The following TBC1D19 variants were observed in gnomAD, a reference collection of about 807,000 sequenced individuals.
TBC1D19 encodes the protein TBC1 domain family, member 19.
A neutral mutation model predicts 89.0 loss-of-function variants in TBC1D19; 60 were observed. That is an observed-to-expected ratio of 0.67 (90% CI 0.55 to 0.84). TBC1D19 has a LOEUF of 0.84. TBC1D19 is among the 40% of genes least tolerant of loss of function. TBC1D19 has a pLI of 0.00. For synonymous variants in TBC1D19, 189 were observed against 199.7 expected (o/e 0.95, Z 0.45); for missense variants, 500 against 610.8 (o/e 0.82, Z 1.91).
chr4:26,833,006 A>C, the TBC1D19 span, among the ~76,000 whole-genome samples: 25 of 152,268 alleles, frequency 1.6e-4, no homozygotes, highest in South Asian at 3.1e-3. Context: ...AAAACCAAAA[A>C]CAAAACAAAA....
At chr4:26,669,889 T>A (rs1156636896) in intron 9 of TBC1D19, among the ~76,000 whole-genome samples, 11 of 151,702 alleles carry the variant, frequency 7.3e-5, no homozygotes, top group Admixed American at 1.3e-4. Flanking sequence ...TAAGAGAAAT[T>A]TTAACTTAAT....
At chr4:26,670,468 G>T (rs567118067) in intron 9 of TBC1D19, among the ~76,000 whole-genome samples, 3 of 151,666 alleles carry the variant, frequency 2.0e-5, no homozygotes, top group South Asian at 2.1e-4. Flanking sequence ...TTGATTAAGA[G>T]AATTCTTCTG....
chr4:26,818,152 A>G, the TBC1D19 span, among the ~76,000 whole-genome samples: 2 of 151,962 alleles, frequency 1.3e-5, no homozygotes, highest in African/African-American at 2.4e-5. Flanking sequence ...ACACAAAAAA[A>G]CAAGTTCAAA....
intron 4 of TBC1D19, among the ~76,000 whole-genome samples, chr4:26,625,239 A>C (rs540744763): frequency 1.3e-5 from 2 of 152,264 alleles, no homozygotes; most frequent in African/African-American, 4.8e-5. Context: ...CATTTCCCAG[A>C]ATGTTTTCTG....
At chr4:26,673,690 C>A in intron 10 of TBC1D19, 86 bp from the exon 11 acceptor site, 1 of 856,586 alleles carries the variant, frequency 1.2e-6, no homozygotes, top group Non-Finnish European at 1.9e-6. Flanking sequence ...TGAATATCAG[C>A]TTCCCAAAAG....
In TBC1D19 at chr4:26,717,031, G is replaced by A. The variant is rs1039018785; in HGVS notation, c.955-902G>A. Among the ~76,000 whole-genome samples, 5 of 152,180 alleles carry A rather than the reference G, an allele frequency of 3.3e-5. No homozygotes were observed. In the East Asian group the frequency reaches 5.8e-4, roughly 18 times the overall value. On this transcript the variant is annotated intron_variant, in intron 13 of 20. Coordinates refer to ENST00000264866, the MANE Select transcript of TBC1D19 (RefSeq NM_018317.4). The stretch of plus-strand genomic sequence containing the variant: ...TAATGAAAACAAAGCAGTGGCAGTG[G>A]TTGATATGCATTCCACCAGTGAACC...
At chr4:26,741,078 C>T (rs144915297) in intron 17 of TBC1D19, among the ~76,000 whole-genome samples, 9 of 152,156 alleles carry the variant, frequency 5.9e-5, no homozygotes, top group East Asian at 3.9e-4. Flanking sequence ...CTTTTCTGGC[C>T]GGGCGTGGTG....
chr4:26,645,759 G>C (rs1407435827), intron 7 of TBC1D19, among the ~76,000 whole-genome samples: 1 of 152,154 alleles, frequency 6.6e-6, no homozygotes, highest in Non-Finnish European at 1.5e-5. Context: ...CTACCCATGT[G>C]ACATAGGGTT....
At chr4:26,580,168 C>T (rs192770064), upstream of TBC1D19, among the ~76,000 whole-genome samples, 9 of 152,200 alleles carry the variant, frequency 5.9e-5, no homozygotes, top group East Asian at 5.8e-4. Context: ...GAATGAAAGA[C>T]GGGAAAGTGG....
chr4:26,814,182 C>T, the TBC1D19 span, among the ~76,000 whole-genome samples: 10 of 152,278 alleles, frequency 6.6e-5, no homozygotes, highest in Middle Eastern at 3.4e-3. Context: ...CCCTGTAGTG[C>T]CCTGTAAAAC....
chr4:26,806,948 C>T, the TBC1D19 span, among the ~76,000 whole-genome samples: 43 of 152,270 alleles, frequency 2.8e-4, no homozygotes, highest in Non-Finnish European at 5.4e-4. Flanking sequence ...GTCCTGCAAC[C>T]GTGAGGGAAT....
chr4:26,734,468 C>T (rs1717846327), intron 15 of TBC1D19, among the ~76,000 whole-genome samples: 1 of 152,150 alleles, frequency 6.6e-6, no homozygotes, highest in South Asian at 2.1e-4. Context: ...TTGAACTAAA[C>T]TGTACAAATT....
intron 19 of TBC1D19, among the ~76,000 whole-genome samples, chr4:26,752,698 A>G (rs1440310732): frequency 2.0e-5 from 3 of 152,168 alleles, no homozygotes; most frequent in Non-Finnish European, 4.4e-5. Context: ...TGCCTTTCAA[A>G]TGGGTCCTTC....
the TBC1D19 span, among the ~76,000 whole-genome samples, chr4:26,781,742 C>T: frequency 6.6e-6 from 1 of 151,448 alleles, no homozygotes; most frequent in Non-Finnish European, 1.5e-5. Context: ...TTAACTTCTA[C>T]TTAGGTTTCC....
At position 26,699,701 on chromosome 4, in the gene TBC1D19, A is replaced by G. The variant is rs537560738; in HGVS notation, c.954+11294A>G. Among the ~76,000 whole-genome samples the G allele has an allele frequency of 3.3e-5, 5 of 152,302 alleles. No homozygotes were observed. In the South Asian group the frequency reaches 1.0e-3, roughly 32 times the overall value. On this transcript the variant is annotated intron_variant, in intron 13 of 20. Coordinates refer to ENST00000264866, the MANE Select transcript of TBC1D19 (RefSeq NM_018317.4). Reference sequence around the variant, plus strand: ...TGCAGCCATAAAAAATGATGAGTTCATGTCCTTTGTAGAGACATGAATGAA... The same window carrying G: ...TGCAGCCATAAAAAATGATGAGTTCGTGTCCTTTGTAGAGACATGAATGAA...
At chr4:26,842,582 C>CCCTTCCTTTCTTTCTT in the TBC1D19 span, among the ~76,000 whole-genome samples, 2 of 95,394 alleles carry the variant, frequency 2.1e-5, 1 homozygote, top group Non-Finnish European at 4.3e-5. Context: ...CTTCCTCCCT[C>CCCTTCCTTTCTTTCTT]CCTTTCTTTC....
chr4:26,612,941 T>G lies in TBC1D19; in HGVS notation c.100-228T>G, dbSNP rs548133039. ...CAAGTTTGTATAGTTTTAGTAGACT[T>G]TAGTATACTATCACAGATCCTTTAA... is the stretch of plus-strand genomic sequence containing the variant. On this transcript the variant is annotated intron_variant, in intron 1 of 20. Coordinates refer to ENST00000264866, the MANE Select transcript of TBC1D19 (RefSeq NM_018317.4). Among the ~76,000 whole-genome samples the G allele has an allele frequency of 1.6e-4, 24 of 152,188 alleles. No individual in the cohort carries two copies. In the South Asian group the frequency reaches 4.8e-3, roughly 30 times the overall value.
chr4:26,641,384 C>A (rs1020575097), intron 7 of TBC1D19, among the ~76,000 whole-genome samples: 3 of 151,894 alleles, frequency 2.0e-5, no homozygotes, highest in Admixed American at 1.3e-4. Flanking sequence ...GCATCAACAT[C>A]AACAAAAAGG....
chr4:26,585,907 T>C (rs1163600886), intron 1 of TBC1D19, among the ~76,000 whole-genome samples: 1 of 152,190 alleles, frequency 6.6e-6, no homozygotes, highest in East Asian at 1.9e-4. Flanking sequence ...TATCTTTTCA[T>C]TTTCTCAACT....
Sources: allele counts gnomAD v4.1 joint callset (sites outside exome capture counted in the v4.1 genomes callset), GRCh38; gene constraint gnomAD v4.1.1; transcripts MANE v1.5; gene names NCBI Gene and HGNC (gene_info 2026-07-23, HGNC 2026-07-21).